The following COL4A3 variants were observed in gnomAD, a reference collection of about 807,000 sequenced individuals.
COL4A3 encodes the protein collagen alpha-3(IV) chain.
Under a neutral mutation model 217.4 loss-of-function variants are expected in COL4A3, and 135 were observed. The ratio of observed to expected loss-of-function variants is 0.62; its 90% CI spans 0.54 to 0.72. The LOEUF is 0.72. Among genes scored for constraint, COL4A3 ranks in the 30% least tolerant of loss-of-function variants. COL4A3 has a pLI of 0.00. For synonymous variants in COL4A3, 690 were observed against 736.3 expected, an observed-to-expected ratio of 0.94 and a Z score of 1.02; for missense variants, 1,868 against 2,119.9, an observed-to-expected ratio of 0.88 and a Z score of 2.33.
intron 1 of COL4A3, among the ~76,000 whole-genome samples, chr2:227,180,528 A>T (rs2065836266): frequency 6.6e-6 from 1 of 152,172 alleles, no homozygotes; most frequent in South Asian, 2.1e-4. Flanking sequence ...AGGACATCTG[A>T]GGCACCCTGG....
In COL4A3 at chr2:227,277,120, C is replaced by A. The variant is rs563604400; in HGVS notation, c.2021-329C>A. ...GGATCACGAGGTCAGGAGTTCGAGA[C>A]CAGTCTGGCTAACATGGTGAAACCT... On this transcript the variant is annotated intron_variant, in intron 27 of 51. Transcript: ENST00000396578. Among the ~76,000 whole-genome samples, 34 of 152,126 alleles carry A rather than the reference C, an allele frequency of 2.2e-4. 1 individual carries two copies. Among genetic ancestry groups the A allele is most frequent in the African/African-American group, 8.2e-4 (34 of 41,524 alleles).
At chr2:227,308,756 T>C (rs920671649) in intron 48 of COL4A3, 143 bp from the exon 49 acceptor site, 6 of 839,482 alleles carry the variant, frequency 7.1e-6, no homozygotes, top group Middle Eastern at 3.4e-4. Flanking sequence ...AACTTTTCAA[T>C]ACTACATTTT....
In COL4A3 at chr2:227,309,293, T is replaced by C; in HGVS notation, c.4730T>C (p.Leu1577Pro). The C allele has an allele frequency of 6.2e-7, 1 of 1,614,108 alleles. No individual in the cohort carries two copies. Among genetic ancestry groups the C allele is most frequent in the Non-Finnish European group, 8.5e-7 (1 of 1,179,978 alleles). Residue 1577 changes from leucine (L) to proline (P), a missense_variant, in exon 50 of 52, where the codon CTC becomes CCC. Transcript: ENST00000396578. ...CCATGTCCTCACGGCTGGATTTCTC[T>C]CTGGAAAGGATTTTCATTCATCATG... is the stretch of plus-strand genomic sequence containing the variant. ...IPPCPHGWIS[L>P]WKGFSFIMFT...
intron 43 of COL4A3, 58 bp from the exon 44 acceptor site, chr2:227,302,980 G>A (rs2106267093): frequency 8.7e-7 from 1 of 1,143,154 alleles, no homozygotes; most frequent in East Asian, 2.3e-5. Flanking sequence ...AAAAACTGCT[G>A]TGAATTGAGT....
intron 3 of COL4A3, among the ~76,000 whole-genome samples, chr2:227,244,054 A>T: frequency 6.6e-6 from 1 of 152,174 alleles, no homozygotes. Flanking sequence ...AAGATTCTAC[A>T]TTTCTGATAA....
chr2:227,227,091 T>G lies in COL4A3; in HGVS notation c.88-10877T>G, dbSNP rs2068136369. ...GAAAAATATAAAAACCAGTCTTAGC[T>G]CATAGGCCGGATGGAAACAGGCAGA... On this transcript the variant is annotated intron_variant, in intron 1 of 51. Transcript: ENST00000396578. Among the ~76,000 whole-genome samples the G allele has an allele frequency of 2.0e-5, 3 of 152,346 alleles. No homozygotes were observed. In the South Asian group the frequency reaches 6.2e-4, roughly 32 times the overall value.
At chr2:227,293,659 G>A (rs1284800748) in intron 38 of COL4A3, 1 of 481,860 alleles carries the variant, frequency 2.1e-6, no homozygotes, top group East Asian at 6.4e-5. Context: ...CCACAGACTA[G>A]GTGGCTTAAA....
Position 227,309,032 on chromosome 2 carries a change from C to G in COL4A3, c.4596C>G (p.Asn1532Lys). 5.0e-6 allele frequency: 8 copies of G among 1,614,210 alleles called. No homozygotes were observed. The highest frequency in any genetic ancestry group is 6.8e-6 in the Non-Finnish European group (8 of 1,180,026). The change falls in exon 49 of 52, where the codon AAC becomes AAG. Residue 1532 changes from asparagine (N) to lysine (K), a missense_variant. Transcript: ENST00000396578. Reference protein sequence around the residue: ...WLSTPALMPMNMAPITGRALE... With the variant: ...WLSTPALMPMKMAPITGRALE... ...CAACACCAGCTCTGATGCCAATGAA[C>G]ATGGCTCCCATTACTGGCAGAGCCC...
chr2:227,197,416 G>T (rs894681952), intron 1 of COL4A3, among the ~76,000 whole-genome samples: 1 of 151,968 alleles, frequency 6.6e-6, no homozygotes, highest in East Asian at 1.9e-4. Flanking sequence ...TAATACAGTA[G>T]GCTATACATC....
intron 34 of COL4A3, among the ~76,000 whole-genome samples, chr2:227,285,040 C>T (rs970953166): frequency 2.6e-5 from 4 of 151,954 alleles, no homozygotes; most frequent in African/African-American, 9.7e-5. Context: ...TTTAGAAAAA[C>T]AGAGAACTGC....
chr2:227,296,614 T>C (rs964889539), intron 41 of COL4A3: 24 of 566,740 alleles, frequency 4.2e-5, no homozygotes, highest in Non-Finnish European at 5.4e-5. Context: ...GAACATGAAA[T>C]ATATAATCCA....
Position 227,307,767 on chromosome 2 carries a change from C to T in COL4A3, c.4310C>T (p.Ser1437Leu). 1 of 1,614,190 alleles carries T rather than the reference C, an allele frequency of 6.2e-7. No individual in the cohort carries two copies. The highest frequency in any genetic ancestry group is 8.5e-7 in the Non-Finnish European group (1 of 1,180,026). Residue 1437 changes from serine to leucine, a missense_variant, in exon 48 of 52, where the codon TCA becomes TTA. Around this residue, in one of 2 missense-constraint regions of COL4A3, gnomAD observed 1,503 missense variants for 1,786.1 expected, o/e 0.84. Transcript: ENST00000396578. ...AAAGGAAAACGTGGAGACAGTGGAT[C>T]ACCTGCAACCTGGACAACGAGAGGC... ...GLKGKRGDSG[S>L]PATWTTRGFV...
At chr2:227,174,681 AT>A (rs1378608647) in intron 1 of COL4A3, among the ~76,000 whole-genome samples, 1 of 151,942 alleles carries the variant, frequency 6.6e-6, no homozygotes, top group Non-Finnish European at 1.5e-5. Context: ...TAATTTTTGT[AT>A]TTTTAGAAGA....
chr2:227,308,832 C>T (rs939593012), intron 48 of COL4A3, 67 bp from the exon 49 acceptor site: 10 of 1,505,616 alleles, frequency 6.6e-6, no homozygotes, highest in African/African-American at 1.4e-5. Context: ...ATTAGCTTCT[C>T]TCTAGTAACG....
intron 1 of COL4A3, among the ~76,000 whole-genome samples, chr2:227,236,763 C>T (rs910485151): frequency 6.6e-6 from 1 of 151,708 alleles, no homozygotes; most frequent in Non-Finnish European, 1.5e-5. Flanking sequence ...GGGTTCAAGC[C>T]ATTCTCCTGC....
At position 227,217,090 on chromosome 2, in the gene COL4A3, G is replaced by T. The variant is rs182959378; in HGVS notation, c.88-20878G>T. On this transcript the variant is annotated intron_variant, in intron 1 of 51. Coordinates refer to ENST00000396578, the MANE Select transcript of COL4A3 (RefSeq NM_000091.5). Reference sequence around the variant, plus strand: ...ACTCACAGCTCCACATGGCTGGGGAGGCCTCACAGTCATGGCAGATGGTGA... The same window carrying T: ...ACTCACAGCTCCACATGGCTGGGGATGCCTCACAGTCATGGCAGATGGTGA... Among the ~76,000 whole-genome samples the T allele has an allele frequency of 3.5e-3, 530 of 152,298 alleles. 2 individuals are homozygous for T. The highest frequency in any genetic ancestry group is 0.02 in the Middle Eastern group (6 of 294).
chr2:227,219,453 A>ACCTTGGCT (rs2067670805), intron 1 of COL4A3, among the ~76,000 whole-genome samples: 1 of 152,164 alleles, frequency 6.6e-6, no homozygotes, highest in Non-Finnish European at 1.5e-5. Flanking sequence ...AATCCCAAAG[A>ACCTTGGCT]CTTTTGTTAA....
rs147052317 is a variant in COL4A3, at chr2:227,175,959, A to T, written c.87+11146A>T. ...CCCGTCTTTCTTCAGTCTCATTGGG[A>T]TAGGTGTGAATTAGCCAAATGTGGC... On this transcript the variant is annotated intron_variant, in intron 1 of 51. Transcript: ENST00000396578. Among the ~76,000 whole-genome samples, 1,190 of 152,312 alleles carry T rather than the reference A, an allele frequency of 7.8e-3. 16 individuals carry two copies. Among genetic ancestry groups the T allele is most frequent in the Non-Finnish European group, 6.6e-3 (446 of 68,030 alleles).
At chr2:227,221,714 T>C (rs2125823655) in intron 1 of COL4A3, among the ~76,000 whole-genome samples, 1 of 152,322 alleles carries the variant, frequency 6.6e-6, no homozygotes, top group African/African-American at 2.4e-5. Context: ...TACATATATA[T>C]TTATCTTATC....
Sources: gnomAD v4.1 joint callset for allele counts (sites outside exome capture counted in the v4.1 genomes callset) on GRCh38, gnomAD v4.1.1 for gene constraint, gnomAD v4.1.1 regional missense constraint, MANE v1.5 for transcripts, NCBI Gene and HGNC (gene_info 2026-07-23, HGNC 2026-07-21) for gene names.